WWOX: variants seen among roughly 807,000 people sequenced by gnomAD.
WWOX encodes the protein WW domain containing oxidoreductase.
In WWOX, 69 loss-of-function variants were observed where a neutral mutation model predicts 46.2. That is an observed-to-expected ratio of 1.49 (90% CI 1.23 to 1.82). The LOEUF (loss-of-function observed/expected upper bound fraction) is 1.82, where lower values mean the gene tolerates loss of function less well. Ranked by LOEUF, WWOX falls within the 40% of genes most tolerant of loss-of-function variation. WWOX has a pLI of 0.00. For synonymous variants in WWOX, 359 were observed against 202.6 expected, an observed-to-expected ratio of 1.77 and a Z score of -6.56; for missense variants, 919 against 542.6, an observed-to-expected ratio of 1.69 and a Z score of -6.89.
intron 8 of WWOX, among the ~76,000 whole-genome samples, chr16:78,954,797 T>C (rs1328282713): frequency 6.6e-6 from 1 of 152,122 alleles, no homozygotes; most frequent in African/African-American, 2.4e-5. Context: ...TTTGTTATTA[T>C]TATGTTTTTT....
At chr16:79,182,523 G>A (rs1219634263) in intron 8 of WWOX, among the ~76,000 whole-genome samples, 2 of 152,026 alleles carry the variant, frequency 1.3e-5, no homozygotes, top group East Asian at 3.9e-4. Flanking sequence ...ATCAGAAGGA[G>A]GGAAAGTAAT....
intron 4 of WWOX, among the ~76,000 whole-genome samples, chr16:78,132,678 G>C (rs985327893): frequency 1.3e-5 from 2 of 152,190 alleles, no homozygotes; most frequent in Non-Finnish European, 2.9e-5. Flanking sequence ...TTTGTGGGCA[G>C]ATTTCTTTTA....
intron 8 of WWOX, among the ~76,000 whole-genome samples, chr16:79,066,204 G>C (rs902599326): frequency 1.3e-5 from 2 of 152,064 alleles, no homozygotes; most frequent in Non-Finnish European, 2.9e-5. Context: ...ACTGTTCCAC[G>C]TGGGACGTTC....
chr16:78,563,476 C>T lies in WWOX; in HGVS notation c.1056+130724C>T, dbSNP rs139819324. On this transcript the variant is annotated intron_variant, in intron 8 of 8. Transcript: ENST00000566780. ...AGATAGTATGTGTTCAGGATACGGG[C>T]ACTCGTGTGGGTGAACACACACACA... 4.4e-3 allele frequency among the ~76,000 whole-genome samples: 643 copies of T among 147,526 alleles called. 4 individuals carry two copies. The highest frequency in any genetic ancestry group is 7.2e-3 in the Middle Eastern group (2 of 278).
chr16:78,596,116 G>A (rs1328837753), intron 8 of WWOX, among the ~76,000 whole-genome samples: 1 of 151,870 alleles, frequency 6.6e-6, no homozygotes, highest in Non-Finnish European at 1.5e-5. Context: ...TATTATACAT[G>A]GTAGGACTTA....
chr16:78,179,925 A>G (rs1011898179), intron 5 of WWOX: 2 of 152,222 alleles, frequency 1.3e-5, no homozygotes, highest in Non-Finnish European at 2.9e-5. Context: ...CAGCTGAGCC[A>G]TGGGAGTTAT....
chr16:79,190,950 C>T (rs1428540043), intron 8 of WWOX, among the ~76,000 whole-genome samples: 1 of 152,196 alleles, frequency 6.6e-6, no homozygotes, highest in Non-Finnish European at 1.5e-5. Context: ...CTAAATCTCT[C>T]ATTTGTCTAC....
intron 8 of WWOX, among the ~76,000 whole-genome samples, chr16:78,846,869 C>G (rs1174100319): frequency 6.6e-6 from 1 of 152,154 alleles, no homozygotes; most frequent in Admixed American, 6.5e-5. Context: ...GGTGGGAATT[C>G]TTCTACATGG....
chr16:78,329,103 C>G (rs563656024), intron 5 of WWOX, among the ~76,000 whole-genome samples: 26 of 152,272 alleles, frequency 1.7e-4, no homozygotes, highest in Non-Finnish European at 2.8e-4. Context: ...TCACATGATT[C>G]ACCAACCTTG....
rs540431993 is a variant in WWOX at position 78,111,296 on chromosome 16, A to G, written c.230+1461A>G. On this transcript the variant is annotated intron_variant, in intron 3 of 8. Coordinates refer to ENST00000566780, the MANE Select transcript of WWOX (RefSeq NM_016373.4). The stretch of plus-strand genomic sequence containing the variant: ...AATAAGAATAGTCATAATACAGGTT[A>G]GATATGGAGATGATCATGGACAATT... 1.4e-4 allele frequency among the ~76,000 whole-genome samples: 21 copies of G among 152,370 alleles called. 1 individual carries two copies. The South Asian group carries it at 4.1e-3, about 30-fold the overall frequency.
chr16:78,477,622 TC>T (rs1326845031), intron 8 of WWOX, among the ~76,000 whole-genome samples: 1 of 152,046 alleles, frequency 6.6e-6, no homozygotes, highest in East Asian at 1.9e-4. Context: ...TTATTTTTTT[TC>T]AATTTGATAA....
At chr16:78,805,427 A>ATTT (rs35556452) in intron 8 of WWOX, among the ~76,000 whole-genome samples, 68 of 147,748 alleles carry the variant, frequency 4.6e-4, no homozygotes, top group African/African-American at 1.6e-3. Flanking sequence ...CGCCTGGCTA[A>ATTT]TTTTTTTTTT....
chr16:78,450,028 T>A (rs903984292), intron 8 of WWOX, among the ~76,000 whole-genome samples: 1 of 150,150 alleles, frequency 6.7e-6, no homozygotes, highest in Non-Finnish European at 1.5e-5. Flanking sequence ...AGCAGGAAGC[T>A]AAAAAAAATA....
At chr16:78,324,738 AATTTAGAGATAGAAAATAG>A (rs2151886753) in intron 5 of WWOX, among the ~76,000 whole-genome samples, 1 of 145,200 alleles carries the variant, frequency 6.9e-6, no homozygotes, top group Admixed American at 6.8e-5. Context: ...AGAACAGAGA[AATTTAGAGATAGAAAATAG>A]ATGAGTGATG....
chr16:79,000,657 C>G (rs1190895094), intron 8 of WWOX, among the ~76,000 whole-genome samples: 2 of 152,184 alleles, frequency 1.3e-5, no homozygotes, highest in Admixed American at 6.5e-5. Context: ...CCCTGCTGAC[C>G]TTTGATTTTA....
chr16:78,804,170 G>T (rs1264437719), intron 8 of WWOX, among the ~76,000 whole-genome samples: 2 of 152,062 alleles, frequency 1.3e-5, no homozygotes, highest in African/African-American at 4.8e-5. Flanking sequence ...AATAAGGGCT[G>T]GGGGTCCTCT....
intron 5 of WWOX, among the ~76,000 whole-genome samples, chr16:78,354,690 T>G (rs2081249652): frequency 7.3e-6 from 1 of 136,168 alleles, no homozygotes; most frequent in Non-Finnish European, 1.6e-5. Context: ...TGTAAGAATA[T>G]TCTTAAACTA....
chr16:79,160,846 G>A (rs1016690005), intron 8 of WWOX, among the ~76,000 whole-genome samples: 1 of 151,780 alleles, frequency 6.6e-6, no homozygotes, highest in Non-Finnish European at 1.5e-5. Context: ...ATGCATGTGT[G>A]TACGTATACA....
At chr16:78,154,924 A>G (rs574510655) in intron 4 of WWOX, among the ~76,000 whole-genome samples, 5 of 152,146 alleles carry the variant, frequency 3.3e-5, no homozygotes, top group Admixed American at 2.0e-4. Flanking sequence ...CTGAGCATCA[A>G]GTGCCTGCAG....
Sources: gnomAD v4.1 joint callset for allele counts (sites outside exome capture counted in the v4.1 genomes callset) on GRCh38, gnomAD v4.1.1 for gene constraint, MANE v1.5 for transcripts, NCBI Gene and HGNC (gene_info 2026-07-23, HGNC 2026-07-21) for gene names.